The following CLCN6 variants were observed in gnomAD, a reference collection of about 807,000 sequenced individuals.
CLCN6 encodes Cl-/H+ antiporter 6, also known as H(+)/Cl(-) exchange transporter 6.
CLCN6 carries 70 observed loss-of-function variants against 109.8 expected under a neutral mutation model. The observed-to-expected ratio is 0.64, with a 90% CI of 0.53 to 0.78. The LOEUF is 0.78. Ranked by LOEUF, CLCN6 falls within the 30% of genes least tolerant of loss-of-function variation. CLCN6 has a pLI of 0.00. For synonymous variants in CLCN6, 444 were observed against 447.8 expected, an observed-to-expected ratio of 0.99 and a Z score of 0.11; for missense variants, 984 against 1,142.3, an observed-to-expected ratio of 0.86 and a Z score of 2.00.
chr1:11,838,493 G>A (rs534191680), intron 21 of CLCN6, 42 bp from the exon 22 acceptor site: 22 of 1,607,014 alleles, frequency 1.4e-5, no homozygotes, highest in Middle Eastern at 1.7e-4. Context: ...TCTTCATGCC[G>A]TTGGCGTCTC....
chr1:11,818,883 C>T (rs368043049), intron 4 of CLCN6, among the ~76,000 whole-genome samples: 41 of 152,178 alleles, frequency 2.7e-4, no homozygotes, highest in African/African-American at 9.2e-4. Context: ...CCAGCCTAGG[C>T]AATATAGCAA....
In CLCN6 at chr1:11,833,619, C is replaced by T. The variant is rs139018850; in HGVS notation, c.1353C>T (p.Leu451=). ...LFFNPQESAI[L]QLFHQDGTFS... The stretch of plus-strand genomic sequence containing the variant: ...TCAACCCGCAGGAGTCTGCCATCCT[C>T]CAGCTCTTCCACCAGGATGGTGAGT... Residue 451 remains leucine, a synonymous_variant, in exon 14 of 23, where the codon CTC becomes CTT. Transcript: ENST00000346436. 25 of 1,613,700 alleles carry T rather than the reference C, an allele frequency of 1.5e-5. No homozygotes were observed. Among genetic ancestry groups the T allele is most frequent in the Admixed American group, 5.0e-5 (3 of 60,010 alleles).
At chr1:11,833,264 C>T (rs1214579367) in intron 13 of CLCN6, among the ~76,000 whole-genome samples, 2 of 152,104 alleles carry the variant, frequency 1.3e-5, no homozygotes, top group Non-Finnish European at 2.9e-5. Flanking sequence ...CGGTGAATCA[C>T]GGCCATAGTG....
chr1:11,816,252 T>C (rs1417515018), intron 3 of CLCN6, among the ~76,000 whole-genome samples: 2 of 152,246 alleles, frequency 1.3e-5, no homozygotes, highest in Admixed American at 6.5e-5. Flanking sequence ...CTCAGTATAG[T>C]GTAAACATCA....
At chr1:11,815,726 G>C in intron 2 of CLCN6, 120 bp from the exon 3 acceptor site, 1 of 737,376 alleles carries the variant, frequency 1.4e-6, no homozygotes, top group Admixed American at 2.2e-5. Context: ...CTCCTCCTGG[G>C]TGCTGCAGGT....
chr1:11,826,993 C>T (rs1298651303), intron 9 of CLCN6, 96 bp from the exon 10 acceptor site: 14 of 1,478,232 alleles, frequency 9.5e-6, no homozygotes, highest in Non-Finnish European at 1.3e-5. Flanking sequence ...TATTCATTCA[C>T]AGGTGTGAGA....
At chr1:11,816,515 C>G in intron 3 of CLCN6, 100 bp from the exon 4 acceptor site, 1 of 1,045,168 alleles carries the variant, frequency 9.6e-7, no homozygotes, top group East Asian at 2.7e-5. Context: ...TGCCTGCTCT[C>G]CACGTGGAAT....
chr1:11,828,357 G>C, intron 11 of CLCN6, 101 bp from the exon 12 acceptor site: 1 of 1,512,896 alleles, frequency 6.6e-7, no homozygotes, highest in Non-Finnish European at 9.2e-7. Context: ...TCTGCCGTGC[G>C]GGAAAGCAGC....
chr1:11,838,191 C>G, intron 20 of CLCN6, 144 bp from the exon 21 acceptor site: 1 of 733,044 alleles, frequency 1.4e-6, no homozygotes, highest in Non-Finnish European at 2.3e-6. Context: ...GGAGAGCTCT[C>G]ACTCTGGAGC....
At chr1:11,806,946 G>A (rs1644522105) in intron 1 of CLCN6, 185 bp from the exon 2 acceptor site, 1 of 600,652 alleles carries the variant, frequency 1.7e-6, no homozygotes, top group Non-Finnish European at 3.0e-6. Context: ...GAAGAGCTCA[G>A]CTGATGGCTG....
chr1:11,815,779 G>C, intron 2 of CLCN6, 67 bp from the exon 3 acceptor site: 2 of 1,233,230 alleles, frequency 1.6e-6, no homozygotes, highest in Non-Finnish European at 2.4e-6. Context: ...CAGGAACCCA[G>C]AGGTTTGTCC....
At chr1:11,819,420 C>T in intron 4 of CLCN6, 68 bp from the exon 5 acceptor site, 3 of 1,423,344 alleles carry the variant, frequency 2.1e-6, no homozygotes, top group Non-Finnish European at 3.0e-6. Context: ...TCAAGAGGAG[C>T]ACACCTGTAC....
In CLCN6 at chr1:11,828,603, A is replaced by G. The variant is rs1228115452; in HGVS notation, c.1100A>G (p.His367Arg). The change falls in exon 12 of 23, where the codon CAC becomes CGC. Residue 367 changes from histidine (H) to arginine (R), a missense_variant. Transcript: ENST00000346436. Reference sequence around the variant, plus strand: ...GCAAAGTACCGTATGCGAAACGTGCACCCGAAACCTAAGCTCGTCAGGTAT... The same window carrying G: ...GCAAAGTACCGTATGCGAAACGTGCGCCCGAAACCTAAGCTCGTCAGGTAT... ...RLAKYRMRNV[H>R]PKPKLVRVLE... 6.2e-7 allele frequency: 1 copy of G among 1,611,510 alleles called. No homozygotes were observed. The highest frequency in any genetic ancestry group is 1.1e-5 in the South Asian group (1 of 90,844).
At chr1:11,821,074 C>CAA (rs199897007) in intron 5 of CLCN6, among the ~76,000 whole-genome samples, 52 of 99,790 alleles carry the variant, frequency 5.2e-4, no homozygotes, top group African/African-American at 1.8e-3. Context: ...AAAACTGTCT[C>CAA]AAAAAACAAC....
intron 13 of CLCN6, 63 bp downstream of exon 13, chr1:11,829,385 C>T: frequency 6.3e-7 from 1 of 1,590,752 alleles, no homozygotes; most frequent in Non-Finnish European, 8.6e-7. Context: ...AAATGTATGA[C>T]CTTCCTCTGT....
intron 10 of CLCN6, among the ~76,000 whole-genome samples, chr1:11,827,437 T>TC (rs1194483323): frequency 2.1e-5 from 3 of 144,420 alleles, no homozygotes; most frequent in African/African-American, 7.7e-5. Context: ...TTACTTTTTT[T>TC]TTTTTTTTTT....
rs969573072 is a variant in CLCN6, at chr1:11,836,076, G to T, written c.1903G>T (p.Val635Leu). ...CACCACGGTCCACCATGCCTTCCCG[G>T]TGGTCACAGAGAACCGCGGTAACGA... ...LRTTVHHAFP[V>L]VTENRGNEKE... Residue 635 changes from valine to leucine, a missense_variant, in exon 18 of 23, where the codon GTG becomes TTG. Coordinates refer to ENST00000346436, the MANE Select transcript of CLCN6 (RefSeq NM_001286.5). 3.1e-6 allele frequency: 5 copies of T among 1,614,116 alleles called. No individual in the cohort carries two copies. The highest frequency in any genetic ancestry group is 4.2e-6 in the Non-Finnish European group (5 of 1,179,996).
chr1:11,827,366 C>T, intron 10 of CLCN6, 145 bp downstream of exon 10: 1 of 747,870 alleles, frequency 1.3e-6, no homozygotes, highest in South Asian at 2.3e-5. Context: ...CCATAACCTC[C>T]ACACTGGACT....
intron 2 of CLCN6, among the ~76,000 whole-genome samples, chr1:11,808,497 A>G (rs1481024559): frequency 2.0e-5 from 3 of 152,202 alleles, no homozygotes; most frequent in Admixed American, 1.3e-4. Context: ...AGCATAACCC[A>G]ATACTATTAC....
Sources: allele counts gnomAD v4.1 joint callset (sites outside exome capture counted in the v4.1 genomes callset), GRCh38; gene constraint gnomAD v4.1.1; transcripts MANE v1.5; gene names NCBI Gene and HGNC (gene_info 2026-07-23, HGNC 2026-07-21).